The following SEPTIN6 variants were observed in gnomAD, a reference collection of about 807,000 sequenced individuals.
The protein encoded by SEPTIN6 is septin 6.
A neutral mutation model predicts 33.6 loss-of-function variants in SEPTIN6; 8 were observed. The ratio of observed to expected loss-of-function variants is 0.24; its 90% CI spans 0.14 to 0.43. The LOEUF is 0.43. Among genes scored for constraint, SEPTIN6 ranks in the 20% least tolerant of loss-of-function variants. The pLI is 1.00. For missense variants in SEPTIN6, 250 were observed against 340.8 expected (o/e 0.73, Z 2.10); for synonymous variants, 131 against 140.0 (o/e 0.94, Z 0.45).
intron 2 of SEPTIN6, 26 bp downstream of exon 2, chrX:119,675,528 G>A: frequency 1.1e-6 from 1 of 940,456 alleles, no homozygotes; most frequent in Non-Finnish European, 1.4e-6. Flanking sequence ...TTCTGTAATA[G>A]AATTTCCTGC....
At chrX:119,646,863 C>A (rs753934901) in intron 5 of SEPTIN6, 1 of 219,827 alleles carries the variant, frequency 4.5e-6, no homozygotes, top group Non-Finnish European at 1.0e-5. Flanking sequence ...TCATACACCA[C>A]GGCTTGTGTG....
chrX:119,664,640 C>T, intron 2 of SEPTIN6, among the ~76,000 whole-genome samples: 1 of 108,546 alleles, frequency 9.2e-6, no homozygotes, highest in South Asian at 4.1e-4. Context: ...CCAGCCTGGC[C>T]AACATTGTGA....
At chrX:119,643,860 A>G (rs897462163) in intron 5 of SEPTIN6, among the ~76,000 whole-genome samples, 32 of 111,627 alleles carry the variant, frequency 2.9e-4, no homozygotes, top group African/African-American at 9.1e-4. Flanking sequence ...TCCTGGCTAC[A>G]TGGCATCTGC....
At chrX:119,677,272 A>C (rs2054857095) in intron 1 of SEPTIN6, among the ~76,000 whole-genome samples, 1 of 112,047 alleles carries the variant, frequency 8.9e-6, no homozygotes, top group African/African-American at 3.2e-5. Flanking sequence ...ATAGTTAATG[A>C]TTTTACAAAA....
chrX:119,622,192 C>T (rs927863724), intron 10 of SEPTIN6, among the ~76,000 whole-genome samples: 3 of 111,662 alleles, frequency 2.7e-5, no homozygotes, highest in Non-Finnish European at 3.8e-5. Context: ...GGAAGGCTGA[C>T]GTATTTTGAT....
intron 4 of SEPTIN6, among the ~76,000 whole-genome samples, chrX:119,650,606 C>T (rs183720015): frequency 9.0e-6 from 1 of 111,061 alleles, no homozygotes; most frequent in Admixed American, 9.6e-5. Flanking sequence ...GAGAGGTGGC[C>T]TCTTCTTGCT....
chrX:119,692,287 G>A (rs1268484685), intron 1 of SEPTIN6, among the ~76,000 whole-genome samples: 4 of 108,111 alleles, frequency 3.7e-5, no homozygotes, highest in Non-Finnish European at 7.6e-5. Flanking sequence ...TCCAAAACAT[G>A]CCAAAATACG....
intron 7 of SEPTIN6, chrX:119,635,266 A>G: frequency 4.1e-6 from 1 of 246,593 alleles, no homozygotes. Flanking sequence ...GAGGTCCTCT[A>G]TGGGATGTCT....
At chrX:119,642,405 G>A (rs11798102) in intron 5 of SEPTIN6, among the ~76,000 whole-genome samples, 4,304 of 110,381 alleles carry the variant, frequency 0.039, 56 homozygotes, top group South Asian at 0.066. Flanking sequence ...AACACTATAT[G>A]GTAAGTTGCC....
Position 119,653,003 on chromosome X carries a change from C to G in SEPTIN6, c.379G>C (p.Glu127Gln). Reference protein sequence around the residue: ...PIVEFIDAQFEAYLQEELKIR... With the variant: ...PIVEFIDAQFQAYLQEELKIR... The stretch of plus-strand genomic sequence containing the variant: ...TTTAGCTCTTCCTGCAGGTAGGCCT[C>G]GAATTGTGCATCGATGAATTCCACG... Residue 127 changes from glutamate to glutamine, a missense_variant, in exon 4 of 11, where the codon GAG becomes CAG. Coordinates refer to ENST00000394610, the MANE Select transcript of SEPTIN6 (RefSeq NM_145799.4). 8.3e-7 allele frequency: 1 copy of G among 1,210,276 alleles called. No individual in the cohort carries two copies. The highest frequency in any genetic ancestry group is 1.1e-6 in the Non-Finnish European group (1 of 894,780).
At chrX:119,655,332 C>T (rs2054422687) in intron 3 of SEPTIN6, among the ~76,000 whole-genome samples, 1 of 110,382 alleles carries the variant, frequency 9.1e-6, no homozygotes, top group Admixed American at 9.8e-5. Context: ...AGTAAAGTTT[C>T]CGCTACTGCT....
intron 1 of SEPTIN6, among the ~76,000 whole-genome samples, chrX:119,685,173 G>A (rs967127314): frequency 1.8e-5 from 2 of 112,016 alleles, no homozygotes; most frequent in African/African-American, 3.2e-5. Flanking sequence ...TTAAGTAGCC[G>A]GCTCTTCTAC....
intron 2 of SEPTIN6, among the ~76,000 whole-genome samples, chrX:119,669,658 C>A (rs1372614048): frequency 2.7e-5 from 3 of 112,010 alleles, no homozygotes; most frequent in Non-Finnish European, 5.6e-5. Flanking sequence ...ATGACACCAA[C>A]AAAATCAGCA....
intron 2 of SEPTIN6, among the ~76,000 whole-genome samples, chrX:119,671,300 T>A (rs1457572582): frequency 9.3e-6 from 1 of 107,690 alleles, no homozygotes; most frequent in Non-Finnish European, 1.9e-5. Flanking sequence ...GTTTTTTTTT[T>A]TTTTTGAGAC....
chrX:119,633,746 G>A (rs1044942913), intron 7 of SEPTIN6, among the ~76,000 whole-genome samples: 4 of 111,865 alleles, frequency 3.6e-5, no homozygotes, highest in East Asian at 2.8e-4. Context: ...CTTGTTCTAC[G>A]GATGAGAAAA....
chrX:119,689,487 T>C lies in SEPTIN6; in HGVS notation c.30+3589A>G, dbSNP rs765045937. Among the ~76,000 whole-genome samples, 131 of 112,137 alleles carry C rather than the reference T, an allele frequency of 1.2e-3. 1 individual carries two copies. Among genetic ancestry groups the C allele is most frequent in the African/African-American group, 4.1e-3 (127 of 30,889 alleles). ...CTATAAGCTTAAAAGCCACGAACTT[T>C]TTTTTGTTTTGTTTTTTGAGACGGA... On this transcript the variant is annotated intron_variant, in intron 1 of 10. Transcript: ENST00000394610.
chrX:119,620,544 C>T (rs950177365), intron 10 of SEPTIN6, among the ~76,000 whole-genome samples: 4 of 110,188 alleles, frequency 3.6e-5, no homozygotes, highest in Non-Finnish European at 3.8e-5. Flanking sequence ...TGGTCTCGAT[C>T]TCCTGACCTC....
chrX:119,662,729 G>C (rs1486276551), intron 3 of SEPTIN6, among the ~76,000 whole-genome samples: 1 of 112,325 alleles, frequency 8.9e-6, no homozygotes, highest in Non-Finnish European at 1.9e-5. Flanking sequence ...AAAATAATAC[G>C]ACATTGTGAT....
chrX:119,676,111 T>C (rs188276131), intron 1 of SEPTIN6, among the ~76,000 whole-genome samples: 95 of 111,843 alleles, frequency 8.5e-4, no homozygotes, highest in Non-Finnish European at 1.3e-3. Context: ...CGCTAATACA[T>C]GTAACGAGCT....
Sources: gnomAD v4.1 joint callset for allele counts (sites outside exome capture counted in the v4.1 genomes callset) on GRCh38, gnomAD v4.1.1 for gene constraint, MANE v1.5 for transcripts, NCBI Gene and HGNC (gene_info 2026-07-23, HGNC 2026-07-21) for gene names.